HKDC1: variants seen among roughly 807,000 people sequenced by gnomAD.
The protein encoded by HKDC1 is hexokinase domain containing 1.
Under a neutral mutation model 96.6 loss-of-function variants are expected in HKDC1, and 66 were observed. The ratio of observed to expected loss-of-function variants is 0.68; its 90% confidence interval spans 0.56 to 0.84. HKDC1 has a LOEUF of 0.84. HKDC1 is among the 40% of genes least tolerant of loss of function. The pLI is 0.00. For missense variants in HKDC1, 1,211 were observed against 1,208.1 expected (o/e 1.00, Z -0.04); for synonymous variants, 466 against 473.1 (o/e 0.98, Z 0.20).
At chr10:69,243,065 A>G in intron 6 of HKDC1, 117 bp from the exon 7 acceptor site, 2 of 1,009,960 alleles carry the variant, frequency 2.0e-6, no homozygotes, top group Non-Finnish European at 3.0e-6. Context: ...GCCAGCCCCC[A>G]GGGAATGAAA....
At chr10:69,228,831 A>C (rs1193576962) in intron 2 of HKDC1, among the ~76,000 whole-genome samples, 2 of 151,960 alleles carry the variant, frequency 1.3e-5, no homozygotes, top group Non-Finnish European at 2.9e-5. Flanking sequence ...GCGCCACTGC[A>C]CTCCAGCCTG....
chr10:69,255,422 G>A (rs1843703563), intron 12 of HKDC1, among the ~76,000 whole-genome samples: 1 of 152,108 alleles, frequency 6.6e-6, no homozygotes, highest in Non-Finnish European at 1.5e-5. Context: ...CTCAGGGTGA[G>A]GCGGCATCCA....
At chr10:69,221,906 G>A (rs1447878855) in intron 1 of HKDC1, among the ~76,000 whole-genome samples, 1 of 150,828 alleles carries the variant, frequency 6.6e-6, no homozygotes, top group Non-Finnish European at 1.5e-5. Flanking sequence ...GTGAGACCCT[G>A]TCTGAAAAAA....
chr10:69,236,196 T>G (rs1411449780), intron 4 of HKDC1, among the ~76,000 whole-genome samples: 3 of 150,766 alleles, frequency 2.0e-5, no homozygotes, highest in Admixed American at 2.0e-4. Context: ...ACAATCTCCG[T>G]CTCCCAGGTT....
chr10:69,243,096 G>A, intron 6 of HKDC1, 86 bp from the exon 7 acceptor site: 2 of 1,350,876 alleles, frequency 1.5e-6, no homozygotes, highest in Non-Finnish European at 1.1e-6. Context: ...GGTACATTGA[G>A]GAGGACTCCC....
chr10:69,243,396 C>A (rs1005537088), intron 7 of HKDC1, 31 bp downstream of exon 7: 1 of 1,522,432 alleles, frequency 6.6e-7, no homozygotes, highest in Non-Finnish European at 8.8e-7. Context: ...ATCTGGGCAT[C>A]GGCACCAGGC....
At chr10:69,264,329 A>C (rs1843856536) in intron 16 of HKDC1, among the ~76,000 whole-genome samples, 1 of 151,208 alleles carries the variant, frequency 6.6e-6, no homozygotes, top group African/African-American at 2.4e-5. Flanking sequence ...TTTTTTCACT[A>C]TGTCATGAAG....
At chr10:69,243,050 C>G in intron 6 of HKDC1, 132 bp from the exon 7 acceptor site, 1 of 855,688 alleles carries the variant, frequency 1.2e-6, no homozygotes, top group Admixed American at 2.3e-5. Context: ...CTTCCCTCAG[C>G]GAGAGCCAGC....
rs755358343 is a variant in HKDC1 at position 69,265,692 on chromosome 10, G to C, written c.2480G>C (p.Arg827Pro). The C allele has an allele frequency of 1.2e-6, 2 of 1,613,508 alleles. No homozygotes were observed. The highest frequency in any genetic ancestry group is 1.7e-6 in the Non-Finnish European group (2 of 1,179,842). The change falls in exon 17 of 18, where the codon CGG (arginine) becomes CCG (proline). Residue 827 changes from arginine (R) to proline (P), a missense_variant. Physicochemically the swap from Arg to Pro is moderately radical, Grantham distance 103 (BLOSUM62 -2). Transcript: ENST00000354624. Reference sequence around the variant, plus strand: ...AAGGAGGTGTGCGGAGCCGTGTCCCGGCGGGCGGCCCAGCTCTGCGGTGCT... The same window carrying C: ...AAGGAGGTGTGCGGAGCCGTGTCCCCGCGGGCGGCCCAGCTCTGCGGTGCT... ...VVKEVCGAVS[R>P]RAAQLCGAGL...
At chr10:69,222,028 C>A (rs1049107658) in intron 1 of HKDC1, among the ~76,000 whole-genome samples, 1 of 152,128 alleles carries the variant, frequency 6.6e-6, no homozygotes, top group African/African-American at 2.4e-5. Context: ...TTGAGACCAC[C>A]CTGGCCAACA....
Position 69,250,529 on chromosome 10 carries a change from G to T in HKDC1, c.1717-4G>T. The stretch of plus-strand genomic sequence containing the variant: ...TGTGAATGCCGCTCTCTCTCTCTCT[G>T]CAGCTCTTTGATCACATTGTGCAGT... On this transcript the variant is annotated splice_region_variant and splice_polypyrimidine_tract_variant and intron_variant, in intron 11 of 17. Coordinates refer to ENST00000354624, the MANE Select transcript of HKDC1 (RefSeq NM_025130.4). 1 of 1,613,910 alleles carries T rather than the reference G, an allele frequency of 6.2e-7. No individual in the cohort carries two copies.
intron 5 of HKDC1, among the ~76,000 whole-genome samples, 168 bp from the exon 6 acceptor site, chr10:69,240,484 C>T (rs1843438202): frequency 6.6e-6 from 1 of 152,120 alleles, no homozygotes. Context: ...TCTTTCTCTC[C>T]CCTAGACCCT....
At position 69,238,368 on chromosome 10, in the gene HKDC1, C is replaced by CTTTTTTTTTT. The variant is rs55819248; in HGVS notation, c.496-664_496-655dup. Among the ~76,000 whole-genome samples, 4 of 61,380 alleles carry CTTTTTTTTTT rather than the reference C, an allele frequency of 6.5e-5. 1 individual carries two copies. The highest frequency in any genetic ancestry group is 3.3e-4 in the African/African-American group (4 of 12,130). The allele number at this position is 61,380 out of a possible 152,430, so 40.3% of individuals were successfully genotyped here. On this transcript the variant is annotated intron_variant, in intron 4 of 17. Coordinates refer to ENST00000354624, the MANE Select transcript of HKDC1 (RefSeq NM_025130.4). ...GCATGTATAATACACCAGGTATTTT[C>CTTTTTTTTTT]TTTTTTTTTTTTTTTTTTTGAGACG...
chr10:69,263,000 A>G (rs1397439224), intron 16 of HKDC1, among the ~76,000 whole-genome samples: 1 of 151,796 alleles, frequency 6.6e-6, no homozygotes, highest in African/African-American at 2.4e-5. Flanking sequence ...CACCAGAAAG[A>G]TTTGCTTCTG....
intron 17 of HKDC1, 122 bp from the exon 18 acceptor site, chr10:69,266,488 G>C: frequency 1.1e-6 from 1 of 925,468 alleles, no homozygotes; most frequent in Non-Finnish European, 1.6e-6. Flanking sequence ...ATTAGAAGAA[G>C]CTGTTTAGAG....
rs143022966 is a variant in HKDC1 at position 69,242,785 on chromosome 10, A to C, written c.692-397A>C. ...TAAGTAAAGAATATTTTTAGTATCA[A>C]ATAGAGAGGAAGCTAAGTAGCTTAA... On this transcript the variant is annotated intron_variant, in intron 6 of 17. Coordinates refer to ENST00000354624, the MANE Select transcript of HKDC1 (RefSeq NM_025130.4). 2.9e-3 allele frequency among the ~76,000 whole-genome samples: 442 copies of C among 152,350 alleles called. 5 individuals carry two copies. The Middle Eastern group carries it at 0.034, about 12-fold the overall frequency.
At chr10:69,266,303 C>G (rs1334356732) in intron 17 of HKDC1, among the ~76,000 whole-genome samples, 1 of 151,894 alleles carries the variant, frequency 6.6e-6, no homozygotes, top group Admixed American at 6.6e-5. Context: ...ACAAAATGAA[C>G]AAAAATTACA....
At chr10:69,258,709 A>C in intron 14 of HKDC1, 67 bp from the exon 15 acceptor site, 2 of 1,500,862 alleles carry the variant, frequency 1.3e-6, no homozygotes, top group Non-Finnish European at 1.9e-6. Flanking sequence ...TATTTGCTGC[A>C]CTCTGCCACC....
chr10:69,247,259 T>C (rs1306028717), intron 8 of HKDC1, 101 bp from the exon 9 acceptor site: 3 of 762,304 alleles, frequency 3.9e-6, no homozygotes, highest in Non-Finnish European at 6.9e-6. Flanking sequence ...TGGACCTGCC[T>C]ATTAATTTTC....
Sources: gnomAD v4.1 joint callset for allele counts (sites outside exome capture counted in the v4.1 genomes callset) on GRCh38, gnomAD v4.1.1 for gene constraint, MANE v1.5 for transcripts, NCBI Gene and HGNC (gene_info 2026-07-23, HGNC 2026-07-21) for gene names.